The following TANGO6 variants were observed in gnomAD, a reference collection of about 807,000 sequenced individuals.
TANGO6 encodes transport and Golgi organization protein 6 homolog.
Under a neutral mutation model 114.2 loss-of-function variants are expected in TANGO6, and 90 were observed. That is an observed-to-expected ratio of 0.79 (90% CI 0.66 to 0.94). The LOEUF (loss-of-function observed/expected upper bound fraction) is 0.94, where lower values mean the gene tolerates loss of function less well. Among genes scored for constraint, TANGO6 ranks in the 40% least tolerant of loss-of-function variants. The pLI is 0.00. For synonymous variants in TANGO6, 477 were observed against 509.8 expected, an observed-to-expected ratio of 0.94 and a Z score of 0.87; for missense variants, 1,274 against 1,315.3, an observed-to-expected ratio of 0.97 and a Z score of 0.49.
At chr16:68,895,047 C>T (rs985029426) in intron 7 of TANGO6, among the ~76,000 whole-genome samples, 10 of 152,116 alleles carry the variant, frequency 6.6e-5, no homozygotes, top group African/African-American at 1.7e-4. Flanking sequence ...CTCAGTTTTC[C>T]GCATTTTTAG....
At chr16:68,999,621 A>G (rs1964021642) in intron 15 of TANGO6, among the ~76,000 whole-genome samples, 1 of 152,248 alleles carries the variant, frequency 6.6e-6, no homozygotes, top group Admixed American at 6.5e-5. Flanking sequence ...AGAGAGAAAG[A>G]AACATGCTCT....
At chr16:68,983,338 T>C (rs1345598984) in intron 15 of TANGO6, among the ~76,000 whole-genome samples, 1 of 152,238 alleles carries the variant, frequency 6.6e-6, no homozygotes, top group African/African-American at 2.4e-5. Context: ...TGGTTGCTCT[T>C]TCTAATGCTC....
intron 17 of TANGO6, among the ~76,000 whole-genome samples, chr16:69,066,199 A>C (rs1960211048): frequency 6.6e-6 from 1 of 151,984 alleles, no homozygotes; most frequent in East Asian, 1.9e-4. Context: ...TCATTTATTC[A>C]TCTGCCCAGC....
At chr16:68,950,894 G>A (rs759002003) in intron 14 of TANGO6, among the ~76,000 whole-genome samples, 69 of 152,022 alleles carry the variant, frequency 4.5e-4, no homozygotes, top group Middle Eastern at 3.4e-3. Flanking sequence ...TAAAAATAAC[G>A]TTAAAAACTC....
chr16:68,967,389 A>G (rs867285499), intron 14 of TANGO6, among the ~76,000 whole-genome samples: 1 of 152,152 alleles, frequency 6.6e-6, no homozygotes, highest in Non-Finnish European at 1.5e-5. Context: ...AGCTCAGGCA[A>G]TAATGCTCCC....
chr16:69,032,878 A>G (rs1262786531), intron 16 of TANGO6, among the ~76,000 whole-genome samples: 4 of 146,208 alleles, frequency 2.7e-5, no homozygotes, highest in Admixed American at 6.8e-5. Flanking sequence ...TCCATCTCAA[A>G]AAAAAAAAAA....
intron 9 of TANGO6, among the ~76,000 whole-genome samples, chr16:68,905,875 A>C (rs1206995104): frequency 6.6e-6 from 1 of 152,104 alleles, no homozygotes; most frequent in Non-Finnish European, 1.5e-5. Context: ...CTGTCTCAAA[A>C]ATTAAAAAAG....
intron 1 of TANGO6, among the ~76,000 whole-genome samples, chr16:68,850,747 A>G (rs1226727348): frequency 2.0e-5 from 3 of 152,228 alleles, no homozygotes; most frequent in African/African-American, 7.2e-5. Context: ...GTAAATGGGC[A>G]TAACTGTGTT....
chr16:68,942,404 C>T (rs1206665255), intron 14 of TANGO6, among the ~76,000 whole-genome samples: 2 of 151,820 alleles, frequency 1.3e-5, no homozygotes, highest in African/African-American at 2.4e-5. Flanking sequence ...AAACATAAGG[C>T]AATGCAGAAA....
chr16:68,870,235 A>C (rs1962246864), intron 4 of TANGO6, among the ~76,000 whole-genome samples: 1 of 152,198 alleles, frequency 6.6e-6, no homozygotes. Flanking sequence ...GAGAGTTGCC[A>C]AAACTTAACG....
intron 17 of TANGO6, among the ~76,000 whole-genome samples, chr16:69,074,095 T>C (rs767442164): frequency 1.1e-4 from 17 of 152,122 alleles, no homozygotes; most frequent in South Asian, 2.1e-4. Context: ...AGCATCTTCC[T>C]GAGGTTTGCT....
chr16:68,883,896 C>T (rs1444233583), intron 7 of TANGO6, among the ~76,000 whole-genome samples: 2 of 152,108 alleles, frequency 1.3e-5, no homozygotes, highest in African/African-American at 4.8e-5. Flanking sequence ...CAAACTCATT[C>T]TCCATAGCAT....
At chr16:68,851,146 C>T (rs947766028) in intron 1 of TANGO6, among the ~76,000 whole-genome samples, 19 of 151,640 alleles carry the variant, frequency 1.3e-4, no homozygotes, top group African/African-American at 3.1e-4. Flanking sequence ...TTTTTTTCTG[C>T]GTCTTTTAAT....
intron 14 of TANGO6, among the ~76,000 whole-genome samples, chr16:68,953,050 T>TTTTTATTATTA (rs1555525236): frequency 3.6e-5 from 5 of 139,214 alleles, no homozygotes; most frequent in Admixed American, 7.3e-5. Context: ...ACAGGTATTT[T>TTTTTATTATTA]TTATTATTAT....
chr16:69,009,468 G>T (rs1291494648), intron 15 of TANGO6, among the ~76,000 whole-genome samples: 3 of 152,152 alleles, frequency 2.0e-5, no homozygotes, highest in African/African-American at 4.8e-5. Flanking sequence ...TTGTAGATTT[G>T]TAGTAAGTTT....
At chr16:69,083,410 A>C in intron 17 of TANGO6, 75 bp from the exon 18 acceptor site, 3 of 1,483,800 alleles carry the variant, frequency 2.0e-6, no homozygotes, top group African/African-American at 1.4e-5. Flanking sequence ...CTCAGGCAGG[A>C]GGAGAGGGCA....
chr16:69,073,960 T>TA (rs145298162), intron 17 of TANGO6, among the ~76,000 whole-genome samples: 15,656 of 131,524 alleles, frequency 0.12, 945 homozygotes, highest in South Asian at 0.2. Context: ...GACTCCATCT[T>TA]AAAAAAAAAA....
chr16:69,058,867 C>T (rs1416945935), intron 17 of TANGO6, among the ~76,000 whole-genome samples: 1 of 149,926 alleles, frequency 6.7e-6, no homozygotes, highest in African/African-American at 2.4e-5. Context: ...AGGGTTTCAC[C>T]GTGTTAGCCA....
intron 14 of TANGO6, among the ~76,000 whole-genome samples, chr16:68,954,301 C>T (rs1036011756): frequency 1.4e-5 from 2 of 140,278 alleles, no homozygotes; most frequent in Non-Finnish European, 3.1e-5. Context: ...GGATGCGAAA[C>T]AGCAAAGCAG....
Sources: gnomAD v4.1 joint callset for allele counts (sites outside exome capture counted in the v4.1 genomes callset) on GRCh38, gnomAD v4.1.1 for gene constraint, MANE v1.5 for transcripts, NCBI Gene and HGNC (gene_info 2026-07-23, HGNC 2026-07-21) for gene names.